NPHP4: variants seen among roughly 807,000 people sequenced by gnomAD.
The protein encoded by NPHP4 is nephrocystin 4, also known as nephrocystin-4.
A neutral mutation model predicts 155.8 loss-of-function variants in NPHP4; 151 were observed. That is an observed-to-expected ratio of 0.97 (90% confidence interval 0.85 to 1.11). The LOEUF is 1.11. Among genes scored for constraint, NPHP4 ranks in the 50% least tolerant of loss-of-function variants. The pLI, the probability that NPHP4 is intolerant of heterozygous loss-of-function variation, is 0.00. For missense variants in NPHP4, 1,956 were observed against 1,925.7 expected, an observed-to-expected ratio of 1.02 and a Z score of -0.29; for synonymous variants, 845 against 816.8, an observed-to-expected ratio of 1.03 and a Z score of -0.59.
At chr1:5,960,365 A>G (rs1252044787) in intron 6 of NPHP4, among the ~76,000 whole-genome samples, 1 of 152,146 alleles carries the variant, frequency 6.6e-6, no homozygotes, top group Admixed American at 6.5e-5. Context: ...GAAATTAATT[A>G]ACTCAGATAA....
At chr1:5,908,519 G>C (rs533623016) in intron 12 of NPHP4, among the ~76,000 whole-genome samples, 8 of 152,336 alleles carry the variant, frequency 5.3e-5, no homozygotes, top group African/African-American at 1.7e-4. Context: ...GCCAGCCTTG[G>C]AGCCACAGGT....
intron 23 of NPHP4, among the ~76,000 whole-genome samples, chr1:5,869,251 A>ATG (rs1553154638): frequency 2.3e-4 from 35 of 150,284 alleles, no homozygotes; most frequent in East Asian, 2.0e-3. Flanking sequence ...ACACACACAC[A>ATG]CATGCACACC....
At chr1:5,900,486 G>A (rs1009461614) in intron 16 of NPHP4, among the ~76,000 whole-genome samples, 1 of 152,162 alleles carries the variant, frequency 6.6e-6, no homozygotes, top group South Asian at 2.1e-4. Context: ...AATTCCAGCT[G>A]TATGACATTC....
intron 13 of NPHP4, among the ~76,000 whole-genome samples, chr1:5,906,191 T>C (rs1644906440): frequency 6.6e-6 from 1 of 152,242 alleles, no homozygotes; most frequent in African/African-American, 2.4e-5. Context: ...AACAGAAAGA[T>C]GAAGCTTCCT....
At chr1:5,877,037 C>G (rs1002043750) in intron 20 of NPHP4, 56 bp downstream of exon 20, 129 of 1,160,998 alleles carry the variant, frequency 1.1e-4, no homozygotes, top group Non-Finnish European at 1.4e-4. Flanking sequence ...AGGATGTGCA[C>G]AGTGACTCAG....
chr1:5,965,188 C>T (rs897260851), intron 5 of NPHP4, among the ~76,000 whole-genome samples: 2 of 151,904 alleles, frequency 1.3e-5, no homozygotes, highest in South Asian at 2.1e-4. Flanking sequence ...CCACCTCAGC[C>T]TCTCAAAGTG....
chr1:5,986,057 T>TC, intron 2 of NPHP4, 98 bp downstream of exon 2: 1 of 1,399,164 alleles, frequency 7.1e-7, no homozygotes, highest in Non-Finnish European at 1.0e-6. Context: ...AAATCAAAAA[T>TC]CAAAGCATCG....
chr1:5,944,140 A>G lies in NPHP4; in HGVS notation c.1119+2964T>C, dbSNP rs991364315. On this transcript the variant is annotated intron_variant, in intron 9 of 29. Transcript: ENST00000378156. This position sits in a 1 kb window ranked among gnomAD's most constrained non-coding sequence, Gnocchi z 4.3. Reference sequence around the variant, plus strand: ...CAAAACGGGTTGTGGGAGAGGACATAGAAGAAGCAGATTGTCCAGGAAGCT... The same window carrying G: ...CAAAACGGGTTGTGGGAGAGGACATGGAAGAAGCAGATTGTCCAGGAAGCT... Among the ~76,000 whole-genome samples, 1 of 152,264 alleles carries G rather than the reference A, an allele frequency of 6.6e-6. No homozygotes were observed. Among genetic ancestry groups the G allele is most frequent in the Non-Finnish European group, 1.5e-5 (1 of 68,044 alleles).
rs1644855338 is a variant in NPHP4 at position 5,905,191 on chromosome 1, C to G, written c.1955+101G>C. 4.1e-6 allele frequency: 4 copies of G among 968,744 alleles called. No homozygotes were observed. Among genetic ancestry groups the G allele is most frequent in the African/African-American group, 1.6e-5 (1 of 62,582 alleles). The allele number at this position is 968,744 out of a possible 1,614,324, so 60.0% of individuals were successfully genotyped here. On this transcript the variant is annotated intron_variant, in intron 15 of 29. Transcript: ENST00000378156. This position sits in a 1 kb window ranked among gnomAD's most constrained non-coding sequence, Gnocchi z 4.0. ...ATGGCACTCCCGAATCTACTAAGAC[C>G]TCAGCACAGACAGTTCTGCCAGGTC...
At position 5,944,966 on chromosome 1, in the gene NPHP4, G is replaced by A. The variant is rs1044574323; in HGVS notation, c.1119+2138C>T. On this transcript the variant is annotated intron_variant, in intron 9 of 29. Coordinates refer to ENST00000378156, the MANE Select transcript of NPHP4 (RefSeq NM_015102.5). This position sits in a 1 kb window ranked among gnomAD's most constrained non-coding sequence, Gnocchi z 4.3. ...ACAGAGTGAGACTCTGTCTCGAAAA[G>A]AGAAGAGAAGAGAAATCAGTGACTC... 4.6e-5 allele frequency among the ~76,000 whole-genome samples: 7 copies of A among 152,076 alleles called. No homozygotes were observed. The highest frequency in any genetic ancestry group is 1.7e-4 in the African/African-American group (7 of 41,378).
In NPHP4 at chr1:5,978,410, C is replaced by A. The variant is rs1288396418; in HGVS notation, c.139G>T (p.Val47Leu). 9 of 1,601,894 alleles carry A rather than the reference C, an allele frequency of 5.6e-6. No individual in the cohort carries two copies. The South Asian group carries it at 7.9e-5, about 14-fold the overall frequency. ...WLDGPVIRQG[V>L]LEVLSEVECH... is the part of the protein sequence containing the mutation. Reference sequence around the variant, plus strand: ...TCAACCTCTGACAGTACCTCCAGCACGCCCTAGGAGACAACGGGGAATTGA... The same window carrying A: ...TCAACCTCTGACAGTACCTCCAGCAAGCCCTAGGAGACAACGGGGAATTGA... Residue 47 changes from valine to leucine, a missense_variant, in exon 3 of 30, where the codon GTG (valine) becomes TTG (leucine). By Grantham distance (32) the Val-to-Leu change is conservative. Transcript: ENST00000378156.
intron 23 of NPHP4, among the ~76,000 whole-genome samples, chr1:5,868,944 GCA>G (rs370774843): frequency 1.5e-3 from 144 of 97,890 alleles, no homozygotes; most frequent in African/African-American, 2.8e-3. Context: ...GCACCCACAT[GCA>G]CACACACACA....
intron 5 of NPHP4, among the ~76,000 whole-genome samples, chr1:5,965,461 T>A (rs1428956062): frequency 6.6e-6 from 1 of 152,010 alleles, no homozygotes; most frequent in African/African-American, 2.4e-5. Flanking sequence ...GGACAGAAAA[T>A]CCCAGCATAT....
chr1:5,935,987 G>GT (rs1161550273), intron 9 of NPHP4, among the ~76,000 whole-genome samples: 1 of 152,180 alleles, frequency 6.6e-6, no homozygotes. Flanking sequence ...ATACAGAAGT[G>GT]TATTATTACA....
intron 6 of NPHP4, among the ~76,000 whole-genome samples, chr1:5,959,219 C>T (rs1649844275): frequency 1.3e-5 from 2 of 152,144 alleles, no homozygotes; most frequent in African/African-American, 4.8e-5. Flanking sequence ...CAGCATAAAA[C>T]GTCATTAATT....
rs765055218 is a variant in NPHP4, at chr1:5,927,673, T to C, written c.1417A>G (p.Arg473Gly). 1.9e-6 allele frequency: 3 copies of C among 1,612,196 alleles called. No homozygotes were observed. The highest frequency in any genetic ancestry group is 1.3e-5 in the African/African-American group (1 of 75,016). ...CTCGAAGGGGACGTGGGTGGTTTCC[T>C]GGAAGGCCGCCGCTCCACTTTGGGG... Reference protein sequence around the residue: ...SGPKVERRPSRKPPTSPSSPP... With the variant: ...SGPKVERRPSGKPPTSPSSPP... Residue 473 changes from arginine to glycine, a missense_variant, in exon 11 of 30, where the codon AGG (arginine) becomes GGG (glycine). Physicochemically the swap from Arg to Gly is moderately radical, Grantham distance 125. Transcript: ENST00000378156.
At chr1:5,916,537 G>C (rs1044853280) in intron 11 of NPHP4, among the ~76,000 whole-genome samples, 4 of 152,212 alleles carry the variant, frequency 2.6e-5, no homozygotes, top group Non-Finnish European at 5.9e-5. Context: ...CATCCATGTA[G>C]ATTTGCTGGT....
chr1:5,956,801 C>A (rs1346954694), intron 6 of NPHP4, among the ~76,000 whole-genome samples: 1 of 152,200 alleles, frequency 6.6e-6, no homozygotes. Flanking sequence ...TAGTGCTTTA[C>A]CAATCCATCT....
intron 16 of NPHP4, among the ~76,000 whole-genome samples, chr1:5,900,078 T>C (rs1644595383): frequency 6.6e-6 from 1 of 152,116 alleles, no homozygotes; most frequent in Admixed American, 6.5e-5. Flanking sequence ...CTGGTGAGGA[T>C]ATGGAGCAAC....
Sources: allele counts gnomAD v4.1 joint callset (sites outside exome capture counted in the v4.1 genomes callset), GRCh38; gene constraint gnomAD v4.1.1; non-coding constraint Gnocchi (gnomAD v3.1); transcripts MANE v1.5; gene names NCBI Gene and HGNC (gene_info 2026-07-23, HGNC 2026-07-21).